The following AUTS2 variants were observed in gnomAD, a reference collection of about 807,000 sequenced individuals.
AUTS2 encodes the protein autism susceptibility gene 2 protein.
Under a neutral mutation model 112.4 loss-of-function variants are expected in AUTS2, and 17 were observed. The ratio of observed to expected loss-of-function variants is 0.15; its 90% CI spans 0.10 to 0.23. AUTS2 has a LOEUF of 0.23. Ranked by LOEUF, AUTS2 falls within the 10% of genes least tolerant of loss-of-function variation. AUTS2 has a pLI of 1.00. For synonymous variants in AUTS2, 751 were observed against 702.7 expected, an observed-to-expected ratio of 1.07 and a Z score of -1.09; for missense variants, 1,510 against 1,701.6, an observed-to-expected ratio of 0.89 and a Z score of 1.98.
intron 4 of AUTS2, among the ~76,000 whole-genome samples, chr7:70,168,944 C>A (rs558923122): frequency 2.2e-4 from 33 of 151,834 alleles, no homozygotes; most frequent in Non-Finnish European, 4.0e-4. Context: ...GCTAGGTATT[C>A]TCTAACAGAA....
chr7:69,625,050 C>T (rs979270692), intron 1 of AUTS2, among the ~76,000 whole-genome samples: 6 of 151,522 alleles, frequency 4.0e-5, no homozygotes, highest in Admixed American at 2.0e-4. Flanking sequence ...GTGTCATGCT[C>T]TTTGGTGAGG....
chr7:70,409,207 A>T (rs1296263435), intron 4 of AUTS2, among the ~76,000 whole-genome samples: 1 of 152,160 alleles, frequency 6.6e-6, no homozygotes, highest in Non-Finnish European at 1.5e-5. Flanking sequence ...ATCACTCTGG[A>T]TGTACCCCCT....
intron 2 of AUTS2, among the ~76,000 whole-genome samples, chr7:70,016,438 T>C (rs1389319363): frequency 1.3e-5 from 2 of 152,060 alleles, no homozygotes; most frequent in Non-Finnish European, 2.9e-5. Context: ...ATTTGGGGGA[T>C]AGAGAGGTGA....
intron 1 of AUTS2, among the ~76,000 whole-genome samples, chr7:69,747,784 G>GGGGTGTGTGT (rs373385601): frequency 3.5e-5 from 5 of 144,502 alleles, no homozygotes; most frequent in South Asian, 2.2e-4. Context: ...GAAGGAGAGG[G>GGGGTGTGTGT]GTGTGTGTGT....
At chr7:70,690,272 T>G (rs1808689534) in intron 5 of AUTS2, among the ~76,000 whole-genome samples, 1 of 152,178 alleles carries the variant, frequency 6.6e-6, no homozygotes, top group Non-Finnish European at 1.5e-5. Context: ...TGCAGAACCT[T>G]TAGAACTTGA....
At chr7:70,757,157 G>A (rs1190745832) in intron 6 of AUTS2, among the ~76,000 whole-genome samples, 3 of 152,156 alleles carry the variant, frequency 2.0e-5, no homozygotes, top group Admixed American at 2.0e-4. Flanking sequence ...CAATTTTGTG[G>A]GGGAAGCCAT....
chr7:70,285,014 T>G lies in AUTS2; in HGVS notation c.660+150443T>G, dbSNP rs966904284. On this transcript the variant is annotated intron_variant, in intron 4 of 18. Coordinates refer to ENST00000342771, the MANE Select transcript of AUTS2 (RefSeq NM_015570.4). ...TTCCTTTTTGTTGTATTGAAATGTC[T>G]TCATTGCTTGCCTTTATGGATACAA... Among the ~76,000 whole-genome samples the G allele has an allele frequency of 2.0e-5, 3 of 152,244 alleles. No homozygotes were observed. The East Asian group carries it at 5.8e-4, about 29-fold the overall frequency.
intron 2 of AUTS2, among the ~76,000 whole-genome samples, chr7:69,925,778 C>G (rs962651675): frequency 7.2e-5 from 11 of 152,288 alleles, no homozygotes; most frequent in African/African-American, 2.4e-4. Context: ...CCTTGGCCTC[C>G]CAAAGTGTTG....
chr7:70,707,942 C>T (rs994136102), intron 6 of AUTS2, among the ~76,000 whole-genome samples: 1 of 152,156 alleles, frequency 6.6e-6, no homozygotes, highest in African/African-American at 2.4e-5. Flanking sequence ...CTGTGGGCTC[C>T]GATCTGCGTC....
intron 6 of AUTS2, among the ~76,000 whole-genome samples, chr7:70,724,386 T>C (rs1186120505): frequency 6.6e-6 from 1 of 151,666 alleles, no homozygotes; most frequent in Non-Finnish European, 1.5e-5. Flanking sequence ...AATCAAGGCA[T>C]AGTGAGAATT....
chr7:69,911,146 A>G (rs543062180), intron 2 of AUTS2, among the ~76,000 whole-genome samples: 2 of 152,354 alleles, frequency 1.3e-5, no homozygotes, highest in Admixed American at 1.3e-4. Context: ...ACAGCCAGGC[A>G]TGCCTGCTGC....
At chr7:70,300,251 T>C (rs1789147438) in intron 4 of AUTS2, among the ~76,000 whole-genome samples, 2 of 152,120 alleles carry the variant, frequency 1.3e-5, no homozygotes, top group Admixed American at 1.3e-4. Flanking sequence ...AAAATAATAA[T>C]AATAATGGCA....
intron 1 of AUTS2, among the ~76,000 whole-genome samples, chr7:69,755,268 G>A (rs149574314): frequency 9.2e-5 from 14 of 152,286 alleles, no homozygotes; most frequent in African/African-American, 3.1e-4. Flanking sequence ...GGTATGCAAG[G>A]CAAGTGCCTG....
intron 4 of AUTS2, among the ~76,000 whole-genome samples, chr7:70,165,774 A>G (rs1370047674): frequency 6.6e-6 from 1 of 152,176 alleles, no homozygotes; most frequent in African/African-American, 2.4e-5. Flanking sequence ...ATAAACAGAC[A>G]AGACATTTTT....
chr7:69,662,010 G>C (rs1315095354), intron 1 of AUTS2, among the ~76,000 whole-genome samples: 1 of 152,096 alleles, frequency 6.6e-6, no homozygotes. Context: ...TTGTAGGAGA[G>C]GGTAATTTTT....
chr7:70,131,578 G>T (rs1806272822), intron 3 of AUTS2, among the ~76,000 whole-genome samples: 1 of 152,080 alleles, frequency 6.6e-6, no homozygotes, highest in Non-Finnish European at 1.5e-5. Flanking sequence ...CAGCACATTT[G>T]AAACAATATT....
At chr7:70,466,000 G>A (rs1413050423) in intron 5 of AUTS2, among the ~76,000 whole-genome samples, 3 of 152,152 alleles carry the variant, frequency 2.0e-5, no homozygotes, top group South Asian at 4.1e-4. Flanking sequence ...CAGTGTACAT[G>A]GTGTTTCACC....
Position 70,766,314 on chromosome 7 carries a change from C to A in AUTS2, c.1669C>A (p.Pro557Thr). ...CGCCATCCCACCCACCGCCATCATGCCGACGCCAGCACCTCCCATGGTGCG... is the reference window on the plus strand; with the variant it reads ...CGCCATCCCACCCACCGCCATCATGACGACGCCAGCACCTCCCATGGTGCG... ...PHAIPPTAIM[P>T]TPAPPMFDKY... Residue 557 changes from proline to threonine, a missense_variant, in exon 9 of 19, where the codon CCG becomes ACG. Transcript: ENST00000342771. This position sits in a 1 kb window ranked among gnomAD's most constrained non-coding sequence, Gnocchi z 4.8. 1.2e-6 allele frequency: 2 copies of A among 1,614,074 alleles called. No homozygotes were observed.
intron 2 of AUTS2, among the ~76,000 whole-genome samples, chr7:70,008,362 G>T (rs1003298582): frequency 1.3e-5 from 2 of 151,816 alleles, no homozygotes; most frequent in African/African-American, 4.8e-5. Flanking sequence ...TTATTGATGG[G>T]TAATACTTTT....
Sources: allele counts gnomAD v4.1 joint callset (sites outside exome capture counted in the v4.1 genomes callset), GRCh38; gene constraint gnomAD v4.1.1; non-coding constraint Gnocchi (gnomAD v3.1); transcripts MANE v1.5; gene names NCBI Gene and HGNC (gene_info 2026-07-23, HGNC 2026-07-21).